RARB: variants seen among roughly 807,000 people sequenced by gnomAD.
RARB encodes the protein retinoic acid receptor beta, also known as HBV-activated protein.
Under a neutral mutation model 51.9 loss-of-function variants are expected in RARB, and 17 were observed. The observed-to-expected ratio is 0.33, with a 90% CI of 0.22 to 0.49. The LOEUF is 0.49. RARB is among the 20% of genes least tolerant of loss of function. The pLI is 0.99. For synonymous variants in RARB, 215 were observed against 195.4 expected (o/e 1.10, Z -0.84); for missense variants, 369 against 550.8 (o/e 0.67, Z 3.30).
intron 3 of RARB, among the ~76,000 whole-genome samples, chr3:25,553,369 C>G (rs929289951): frequency 9.9e-5 from 15 of 152,160 alleles, no homozygotes; most frequent in African/African-American, 2.2e-4. Flanking sequence ...TTAGAGAACT[C>G]TAGGAATCTT....
intron 2 of RARB, among the ~76,000 whole-genome samples, chr3:25,483,068 G>A (rs1364340841): frequency 6.6e-6 from 1 of 152,168 alleles, no homozygotes; most frequent in Non-Finnish European, 1.5e-5. Context: ...TGTGGCTAGT[G>A]GCTACTGTAG....
intron 2 of RARB, among the ~76,000 whole-genome samples, chr3:25,467,158 C>T (rs1045554792): frequency 6.6e-6 from 1 of 152,216 alleles, no homozygotes; most frequent in African/African-American, 2.4e-5. Context: ...TTAGAAGTAT[C>T]CAGGTAATTG....
intron 5 of RARB, among the ~76,000 whole-genome samples, chr3:25,414,169 A>G (rs1480909104): frequency 6.6e-6 from 1 of 152,238 alleles, no homozygotes; most frequent in Non-Finnish European, 1.5e-5. Context: ...ATCAAATTAT[A>G]CATTAGCTAC....
chr3:25,069,815 A>G (rs1346057887), intron 3 of RARB, among the ~76,000 whole-genome samples: 1 of 152,202 alleles, frequency 6.6e-6, no homozygotes, highest in African/African-American at 2.4e-5. Context: ...GTTGAGACAC[A>G]AAATGAACAG....
intron 5 of RARB, among the ~76,000 whole-genome samples, chr3:25,210,156 G>A (rs1040139474): frequency 6.6e-6 from 1 of 152,144 alleles, no homozygotes; most frequent in Non-Finnish European, 1.5e-5. Flanking sequence ...GTAGATACTA[G>A]CTAGCAGAAA....
At chr3:25,553,738 G>A (rs1559464602) in intron 3 of RARB, among the ~76,000 whole-genome samples, 3 of 152,106 alleles carry the variant, frequency 2.0e-5, no homozygotes, top group Admixed American at 1.3e-4. Context: ...AGGATTGGAC[G>A]CCATCCTTCG....
At chr3:25,434,529 C>CTTTTTTTTTTTTT (rs140015265) in intron 1 of RARB, among the ~76,000 whole-genome samples, 2 of 123,034 alleles carry the variant, frequency 1.6e-5, no homozygotes, top group Non-Finnish European at 1.6e-5. Context: ...CTTGGTACTC[C>CTTTTTTTTTTTTT]TTTTTTTTTT....
At chr3:25,416,111 G>A (rs533377014) in intron 5 of RARB, among the ~76,000 whole-genome samples, 17 of 152,314 alleles carry the variant, frequency 1.1e-4, no homozygotes, top group African/African-American at 3.6e-4. Flanking sequence ...CTAAGCAAAG[G>A]CTGGGTGTAG....
chr3:25,456,785 A>G (rs1419454900), intron 1 of RARB, among the ~76,000 whole-genome samples: 1 of 150,800 alleles, frequency 6.6e-6, no homozygotes, highest in Non-Finnish European at 1.5e-5. Context: ...TGGGGATCGT[A>G]CATAACGTTT....
chr3:25,147,404 A>G (rs1250845019), intron 4 of RARB, among the ~76,000 whole-genome samples: 3 of 152,174 alleles, frequency 2.0e-5, no homozygotes, highest in Non-Finnish European at 4.4e-5. Flanking sequence ...GGGGTGCCCT[A>G]TACTGCTTAA....
At chr3:25,010,954 CT>C (rs1234898108) in intron 2 of RARB, among the ~76,000 whole-genome samples, 10 of 152,134 alleles carry the variant, frequency 6.6e-5, no homozygotes, top group African/African-American at 2.4e-4. Flanking sequence ...CAAGGCTTTG[CT>C]TTCTTTTCAC....
At chr3:25,560,690 C>A (rs756020947) in intron 3 of RARB, among the ~76,000 whole-genome samples, 44 of 152,244 alleles carry the variant, frequency 2.9e-4, no homozygotes, top group East Asian at 5.8e-4. Flanking sequence ...GATAAAAATT[C>A]TTTCCTCCCT....
chr3:24,942,964 A>C (rs1161819958), intron 2 of RARB, among the ~76,000 whole-genome samples: 2 of 152,184 alleles, frequency 1.3e-5, no homozygotes, highest in Non-Finnish European at 2.9e-5. Context: ...GGCTATCTAA[A>C]GTTTTGGAAA....
intron 5 of RARB, among the ~76,000 whole-genome samples, chr3:25,237,029 T>C (rs2125393719): frequency 6.6e-6 from 1 of 150,986 alleles, no homozygotes; most frequent in East Asian, 1.9e-4. Flanking sequence ...TGTGCACTTG[T>C]ATTTTGGTGT....
intron 2 of RARB, among the ~76,000 whole-genome samples, chr3:25,035,631 C>G (rs373960042): frequency 6.6e-6 from 1 of 152,122 alleles, no homozygotes; most frequent in Non-Finnish European, 1.5e-5. Flanking sequence ...TGTGTCTGTA[C>G]AGCAGCCAGC....
rs547840229 is a variant in RARB, at chr3:25,475,572, G to A, written c.306+14231G>A. ...AGAAAAAATAACAGAAAAATTTTGG[G>A]GCTTGATATTTTGTGACACTTACTT... On this transcript the variant is annotated intron_variant, in intron 2 of 7. Transcript: ENST00000330688. 1.2e-3 allele frequency among the ~76,000 whole-genome samples: 189 copies of A among 152,174 alleles called. 1 individual carries two copies. Among genetic ancestry groups the A allele is most frequent in the African/African-American group, 4.2e-3 (175 of 41,524 alleles).
At chr3:25,596,291 A>T in intron 7 of RARB, 129 bp from the exon 8 acceptor site, 2 of 707,744 alleles carry the variant, frequency 2.8e-6, no homozygotes, top group Non-Finnish European at 4.6e-6. Flanking sequence ...CCTGATATCT[A>T]CATTTCATAA....
At chr3:25,505,073 C>G (rs1005735905) in intron 3 of RARB, among the ~76,000 whole-genome samples, 21 of 152,166 alleles carry the variant, frequency 1.4e-4, no homozygotes, top group African/African-American at 4.6e-4. Flanking sequence ...GCCACCGCGC[C>G]TGGCCTGCAT....
At chr3:25,117,822 C>T (rs1291729936) in intron 3 of RARB, among the ~76,000 whole-genome samples, 3 of 152,136 alleles carry the variant, frequency 2.0e-5, no homozygotes, top group South Asian at 2.1e-4. Context: ...TATTTCTATC[C>T]TTCCTTGTCC....
Sources: allele counts gnomAD v4.1 joint callset (sites outside exome capture counted in the v4.1 genomes callset), GRCh38; gene constraint gnomAD v4.1.1; transcripts MANE v1.5; gene names NCBI Gene and HGNC (gene_info 2026-07-23, HGNC 2026-07-21).